FRMD6: variants seen among roughly 807,000 people sequenced by gnomAD.
FRMD6 encodes FERM domain containing 6.
FRMD6 carries 37 observed loss-of-function variants against 73.2 expected under a neutral mutation model. The observed-to-expected ratio is 0.51, with a 90% CI of 0.39 to 0.66. The LOEUF is 0.66. Among genes scored for constraint, FRMD6 ranks in the 30% least tolerant of loss-of-function variants. The pLI is 0.00. For synonymous variants in FRMD6, 273 were observed against 282.2 expected, an observed-to-expected ratio of 0.97 and a Z score of 0.33; for missense variants, 714 against 780.5, an observed-to-expected ratio of 0.91 and a Z score of 1.02.
chr14:51,520,700 C>G (rs531285810), intron 1 of FRMD6, among the ~76,000 whole-genome samples: 59 of 152,206 alleles, frequency 3.9e-4, no homozygotes, highest in African/African-American at 1.4e-3. Context: ...GAGTTTGAGA[C>G]CAGCCTAGGC....
rs535577654 is a variant in FRMD6, at chr14:51,583,453, T to A, written c.-147+13043T>A. Among the ~76,000 whole-genome samples the A allele has an allele frequency of 3.3e-5, 5 of 152,340 alleles. No individual in the cohort carries two copies. The East Asian group carries it at 9.6e-4, about 29-fold the overall frequency. On this transcript the variant is annotated intron_variant, in intron 2 of 14. Coordinates refer to the FRMD6 transcript ENST00000356218. The stretch of plus-strand genomic sequence containing the variant: ...GCACGAAACAATTTAATTCTTAAGA[T>A]TTATTTAAAACGTGTGAAATGTAGT...
At position 51,709,031 on chromosome 14, in the gene FRMD6, ATCT is replaced by A. The variant is rs1733925225; in HGVS notation, c.714+800_714+802del. Among the ~76,000 whole-genome samples the A allele has an allele frequency of 4.6e-5, 7 of 152,210 alleles. No individual in the cohort carries two copies. The East Asian group carries it at 1.4e-3, about 29-fold the overall frequency. ...GGAATCACTCACAGTACTCTATATCATCTTGTCTTCTCTTCCCCTCCTCCTCCT... is the reference window on the plus strand; with the variant it reads ...GGAATCACTCACAGTACTCTATATCATGTCTTCTCTTCCCCTCCTCCTCCT... On this transcript the variant is annotated intron_variant, in intron 7 of 13. Transcript: ENST00000344768.
chr14:51,660,841 G>A lies in FRMD6; in HGVS notation c.-147+8845G>A, dbSNP rs991115192. On this transcript the variant is annotated intron_variant, in intron 1 of 13. Coordinates refer to ENST00000344768, the MANE Select transcript of FRMD6 (RefSeq NM_001267046.2). ...GCCTCACTGAGAAGAGGGCTTGAAG[G>A]AGGAAGAGAGCCACACAGAGCTAGC... Among the ~76,000 whole-genome samples the A allele has an allele frequency of 3.3e-5, 5 of 152,130 alleles. No homozygotes were observed. In the South Asian group the frequency reaches 6.2e-4, roughly 19 times the overall value.
chr14:51,583,560 A>G (rs73289117), intron 2 of FRMD6, among the ~76,000 whole-genome samples: 1 of 152,128 alleles, frequency 6.6e-6, no homozygotes, highest in Non-Finnish European at 1.5e-5. Flanking sequence ...ATATTAACAC[A>G]TATATTAAAC....
chr14:51,601,281 C>A (rs116951820), intron 2 of FRMD6, among the ~76,000 whole-genome samples: 4,041 of 152,262 alleles, frequency 0.027, 81 homozygotes, highest in Middle Eastern at 0.082. Context: ...TTTAGTTTCC[C>A]GAGACCACCT....
intron 2 of FRMD6, among the ~76,000 whole-genome samples, chr14:51,633,459 G>A (rs1351802171): frequency 6.6e-6 from 1 of 151,402 alleles, no homozygotes; most frequent in Admixed American, 6.6e-5. Flanking sequence ...AAAATTAGTT[G>A]GGCATGGTGA....
At chr14:51,466,984 C>T in the FRMD6 span, among the ~76,000 whole-genome samples, 93,469 of 151,302 alleles carry the variant, frequency 0.62, 29,059 homozygotes, top group East Asian at 0.79. Flanking sequence ...TTTTTTAATA[C>T]TTATTGATCA....
chr14:51,427,794 G>T, the FRMD6 span, among the ~76,000 whole-genome samples: 1 of 152,162 alleles, frequency 6.6e-6, no homozygotes, highest in Non-Finnish European at 1.5e-5. Context: ...CTGATGTTGC[G>T]CTGAACTTGA....
chr14:51,712,183 G>C (rs1896980279), intron 8 of FRMD6, among the ~76,000 whole-genome samples: 1 of 152,168 alleles, frequency 6.6e-6, no homozygotes, highest in Admixed American at 6.5e-5. Context: ...ATGAAAGTCT[G>C]AGCGCCTTAT....
the FRMD6 span, among the ~76,000 whole-genome samples, chr14:51,402,813 T>A: frequency 3.3e-5 from 5 of 152,100 alleles, no homozygotes; most frequent in African/African-American, 1.2e-4. Flanking sequence ...TAATTTTTTG[T>A]ATTTTTAGTA....
At chr14:51,555,802 C>CA (rs796732938) in intron 1 of FRMD6, among the ~76,000 whole-genome samples, 2,838 of 88,420 alleles carry the variant, frequency 0.032, 87 homozygotes, top group African/African-American at 0.083. Context: ...AATTCTGACT[C>CA]AAAAAAAAAA....
intron 2 of FRMD6, among the ~76,000 whole-genome samples, chr14:51,605,733 T>C (rs1161178376): frequency 3.3e-5 from 5 of 152,318 alleles, no homozygotes; most frequent in Admixed American, 1.3e-4. Flanking sequence ...GGAAATGGTA[T>C]GTGCAAATGT....
At chr14:51,457,980 G>A in the FRMD6 span, among the ~76,000 whole-genome samples, 2 of 152,146 alleles carry the variant, frequency 1.3e-5, no homozygotes, top group South Asian at 2.1e-4. Context: ...TGCCTGCTCT[G>A]AGATCAGCTT....
intron 12 of FRMD6, 111 bp downstream of exon 12, chr14:51,722,191 G>A: frequency 9.1e-7 from 1 of 1,094,240 alleles, no homozygotes. Flanking sequence ...CCAGAGACTG[G>A]ACTGCACTAA....
the FRMD6 span, among the ~76,000 whole-genome samples, chr14:51,426,506 A>T: frequency 0.22 from 33,570 of 152,092 alleles, 4,293 homozygotes; most frequent in East Asian, 0.5. Context: ...TCCTAAGTGG[A>T]TGGCAAACTT....
At chr14:51,672,596 C>T (rs1016592469) in intron 1 of FRMD6, among the ~76,000 whole-genome samples, 1 of 152,144 alleles carries the variant, frequency 6.6e-6, no homozygotes, top group Admixed American at 6.5e-5. Flanking sequence ...ATAAAAATAT[C>T]TTGACCTTTT....
intron 2 of FRMD6, among the ~76,000 whole-genome samples, chr14:51,629,861 CTA>C (rs1160038950): frequency 1.3e-5 from 2 of 152,112 alleles, no homozygotes; most frequent in East Asian, 3.8e-4. Flanking sequence ...ATTAAATTAT[CTA>C]TATGTTTCCT....
chr14:51,535,742 G>C (rs1885846153), intron 1 of FRMD6, among the ~76,000 whole-genome samples: 1 of 152,106 alleles, frequency 6.6e-6, no homozygotes, highest in African/African-American at 2.4e-5. Context: ...GAGTGAAATT[G>C]CTGGGTTATA....
chr14:51,674,928 G>A (rs1190514408), intron 1 of FRMD6, among the ~76,000 whole-genome samples: 1 of 152,092 alleles, frequency 6.6e-6, no homozygotes, highest in African/African-American at 2.4e-5. Context: ...AGACCAGAGA[G>A]GTTCACTGTT....
Sources: allele counts gnomAD v4.1 joint callset (sites outside exome capture counted in the v4.1 genomes callset), GRCh38; gene constraint gnomAD v4.1.1; transcripts MANE v1.5; gene names NCBI Gene and HGNC (gene_info 2026-07-23, HGNC 2026-07-21).